The following UHRF1 variants were observed in gnomAD, a reference collection of about 807,000 sequenced individuals.
The protein encoded by UHRF1 is E3 ubiquitin-protein ligase UHRF1.
UHRF1 carries 9 observed loss-of-function variants against 96.5 expected under a neutral mutation model. The ratio of observed to expected loss-of-function variants is 0.09; its 90% CI spans 0.06 to 0.16. UHRF1 has a LOEUF of 0.16. Among genes scored for constraint, UHRF1 ranks in the 10% least tolerant of loss-of-function variants. UHRF1 has a pLI of 1.00. For missense variants in UHRF1, 626 were observed against 1,131.1 expected (o/e 0.55, Z 6.40); for synonymous variants, 455 against 469.9 (o/e 0.97, Z 0.41).
intron 5 of UHRF1, among the ~76,000 whole-genome samples, chr19:4,941,080 G>GTTGTTTTT (rs1380489378): frequency 5.3e-5 from 6 of 112,844 alleles, no homozygotes; most frequent in African/African-American, 2.3e-4. Flanking sequence ...TGGTTTCTGT[G>GTTGTTTTT]TTTTGTTTTT....
intron 2 of UHRF1, among the ~76,000 whole-genome samples, chr19:4,911,437 C>T (rs1445275945): frequency 6.6e-6 from 1 of 152,140 alleles, no homozygotes; most frequent in Non-Finnish European, 1.5e-5. Context: ...TTTAAACATC[C>T]ACCACCAATT....
Position 4,930,737 on chromosome 19 carries a change from C to A in UHRF1, c.430C>A (p.Arg144=). ...LYKVNEYVDA[R]DTNMGAWFEA... ...ACAGGTCAATGAGTACGTCGATGCT[C>A]GGGACACGAACATGGGGGCGTGGTT... The change falls in exon 4 of 17, where the codon CGG becomes AGG. Residue 144 remains arginine (R), a synonymous_variant. Transcript: ENST00000650932. The surrounding 1 kb of genome is among the most constrained non-coding windows in gnomAD (Gnocchi z 4.4). 6.2e-7 allele frequency: 1 copy of A among 1,613,860 alleles called. No individual in the cohort carries two copies. Among genetic ancestry groups the A allele is most frequent in the Non-Finnish European group, 8.5e-7 (1 of 1,179,878 alleles).
intron 2 of UHRF1, among the ~76,000 whole-genome samples, chr19:4,922,377 T>C (rs973313324): frequency 6.6e-6 from 1 of 152,138 alleles, no homozygotes; most frequent in South Asian, 2.1e-4. Flanking sequence ...GCAATTCTTG[T>C]GCCACAGCCT....
At chr19:4,905,108 CTTTTTTT>C (rs61443004), upstream of UHRF1, among the ~76,000 whole-genome samples, 66 of 95,176 alleles carry the variant, frequency 6.9e-4, no homozygotes, top group African/African-American at 9.6e-4. Context: ...CGTAAACTTT[CTTTTTTT>C]TTTTTTTTTT....
chr19:4,916,756 G>A (rs957924519), intron 2 of UHRF1, among the ~76,000 whole-genome samples: 24 of 152,282 alleles, frequency 1.6e-4, no homozygotes, highest in African/African-American at 4.6e-4. Context: ...TGAGGTTGTC[G>A]CAGAGGCGCT....
chr19:4,945,805 C>T, intron 9 of UHRF1, 56 bp from the exon 10 acceptor site: 1 of 1,465,662 alleles, frequency 6.8e-7, no homozygotes, highest in Non-Finnish European at 9.4e-7. Flanking sequence ...GGCGGTGGAG[C>T]TTCTCTGCAG....
rs17884253 is a variant in UHRF1, at chr19:4,928,485, G to C, written c.154-737G>C. On this transcript the variant is annotated intron_variant, in intron 2 of 16. Transcript: ENST00000650932. ...TCCTTGCATACCTGCTGAGTCAGGT[G>C]ACCCGAGGGGCAGGCTGTGGAGCCA... Among the ~76,000 whole-genome samples the C allele has an allele frequency of 5.5e-3, 832 of 152,324 alleles. 5 individuals carry two copies. Among genetic ancestry groups the C allele is most frequent in the African/African-American group, 0.019 (794 of 41,586 alleles).
chr19:4,950,568 AC>A, intron 11 of UHRF1, 42 bp from the exon 12 acceptor site: 1 of 1,582,250 alleles, frequency 6.3e-7, no homozygotes, highest in African/African-American at 1.4e-5. Flanking sequence ...TTTGGGGGGT[AC>A]ATCCTCACCT....
intron 2 of UHRF1, among the ~76,000 whole-genome samples, chr19:4,913,807 C>CTT (rs11341952): frequency 1.4e-3 from 158 of 110,098 alleles, no homozygotes; most frequent in Non-Finnish European, 1.7e-3. Context: ...CATGCAGTAG[C>CTT]TTTTTTTTTT....
At position 4,909,659 on chromosome 19, in the gene UHRF1, A is replaced by AGC. The variant is rs1409671517; in HGVS notation, c.-11+6_-11+7dup. 3.7e-6 allele frequency: 2 copies of AGC among 538,636 alleles called. No individual in the cohort carries two copies. Among genetic ancestry groups the AGC allele is most frequent in the Non-Finnish European group, 6.5e-6 (2 of 309,280 alleles). 33.4% of individuals were successfully genotyped at this position (538,636 alleles called of 1,614,324 possible). On this transcript the variant is annotated splice_donor_region_variant and intron_variant, in intron 1 of 16. Transcript: ENST00000650932. ...GCTGTTCGCGGCGACCGGAGAGGTG[A>AGC]GCGGGCGGGCCGGGTCGGGGTGCCA...
chr19:4,951,696 CAAAA>C (rs771845391), intron 13 of UHRF1, among the ~76,000 whole-genome samples: 3 of 83,358 alleles, frequency 3.6e-5, no homozygotes, highest in African/African-American at 5.5e-5. Context: ...TGGCTCATCA[CAAAA>C]AAAAAAAAAA....
In UHRF1 at chr19:4,927,794, C is replaced by T. The variant is rs577403300; in HGVS notation, c.154-1428C>T. 9.2e-5 allele frequency among the ~76,000 whole-genome samples: 14 copies of T among 152,202 alleles called. No individual in the cohort carries two copies. The East Asian group carries it at 2.7e-3, about 30-fold the overall frequency. ...CAGTGCCCAGAGGGGGAGACCCAGC[C>T]CATCCCAGAGTGGTCAGCCCTAATG... On this transcript the variant is annotated intron_variant, in intron 2 of 16. Transcript: ENST00000650932.
chr19:4,927,648 C>G (rs919087693), intron 2 of UHRF1, among the ~76,000 whole-genome samples: 1 of 152,186 alleles, frequency 6.6e-6, no homozygotes, highest in Non-Finnish European at 1.5e-5. Flanking sequence ...GCTCCTGAAC[C>G]AGGGCATTTC....
intron 10 of UHRF1, among the ~76,000 whole-genome samples, chr19:4,946,904 A>G (rs1197990347): frequency 6.6e-6 from 1 of 152,022 alleles, no homozygotes. Context: ...AGGACGCACC[A>G]CACTGTTTGT....
chr19:4,928,903 G>A (rs759629323), intron 2 of UHRF1, among the ~76,000 whole-genome samples: 53 of 152,200 alleles, frequency 3.5e-4, no homozygotes, highest in Non-Finnish European at 7.3e-4. Context: ...CCGTAAGCAC[G>A]AAGTATTAGG....
At chr19:4,916,089 C>T (rs1172526668) in intron 2 of UHRF1, among the ~76,000 whole-genome samples, 14 of 152,058 alleles carry the variant, frequency 9.2e-5, no homozygotes, top group Admixed American at 9.2e-4. Flanking sequence ...GCGAGGATCG[C>T]TTGAGGTTGG....
rs17886836 is a variant in UHRF1, at chr19:4,956,571, C to T, written c.2131-138C>T. ...GCCTCTGTTTTTCTCAGAACGGGGA[C>T]GATCATGGCCCCCGCCTCCTGGAGT... On this transcript the variant is annotated intron_variant, in intron 15 of 16. Coordinates refer to ENST00000650932, the MANE Select transcript of UHRF1 (RefSeq NM_001048201.3). 1,278 of 653,776 alleles carry T rather than the reference C, an allele frequency of 2.0e-3. 17 individuals are homozygous for T. The African/African-American group carries it at 0.021, about 11-fold the overall frequency. The allele number at this position is 653,776 out of a possible 1,614,324, so 40.5% of individuals were successfully genotyped here.
At chr19:4,947,935 A>C (rs2033617271) in intron 11 of UHRF1, among the ~76,000 whole-genome samples, 1 of 151,950 alleles carries the variant, frequency 6.6e-6, no homozygotes, top group Non-Finnish European at 1.5e-5. Flanking sequence ...ACCCATCTAC[A>C]AAAAGTAAAA....
intron 2 of UHRF1, among the ~76,000 whole-genome samples, chr19:4,925,952 C>T (rs559963330): frequency 2.0e-5 from 3 of 151,998 alleles, no homozygotes; most frequent in African/African-American, 7.2e-5. Flanking sequence ...GGCTGGAGTG[C>T]AGTGGTGCAA....
Sources: allele counts gnomAD v4.1 joint callset (sites outside exome capture counted in the v4.1 genomes callset), GRCh38; gene constraint gnomAD v4.1.1; non-coding constraint Gnocchi (gnomAD v3.1); transcripts MANE v1.5; gene names NCBI Gene and HGNC (gene_info 2026-07-23, HGNC 2026-07-21).